The following ZFHX3 variants were observed in gnomAD, a reference collection of about 807,000 sequenced individuals.
ZFHX3 encodes the protein zinc finger homeobox 3, also known as zinc finger homeobox protein 3.
ZFHX3 carries 42 observed loss-of-function variants against 279.1 expected under a neutral mutation model. The observed-to-expected ratio is 0.15, with a 90% CI of 0.12 to 0.19. The LOEUF (loss-of-function observed/expected upper bound fraction) is 0.19. Among genes scored for constraint, ZFHX3 ranks in the 10% least tolerant of loss-of-function variants. The pLI, the probability that ZFHX3 is intolerant of heterozygous loss-of-function variation, is 1.00. For missense variants in ZFHX3, 4,981 were observed against 4,754.0 expected (o/e 1.05, Z -1.40); for synonymous variants, 2,293 against 1,957.8 (o/e 1.17, Z -4.52).
intron 4 of ZFHX3, among the ~76,000 whole-genome samples, chr16:72,834,527 C>G (rs986869944): frequency 5.3e-5 from 8 of 152,206 alleles, no homozygotes; most frequent in South Asian, 2.1e-4. Flanking sequence ...GCAAATTGAT[C>G]TCTTAATATA....
At chr16:73,339,599 C>G (rs2015989338) in intron 3 of ZFHX3, among the ~76,000 whole-genome samples, 1 of 152,166 alleles carries the variant, frequency 6.6e-6, no homozygotes, top group African/African-American at 2.4e-5. Context: ...TGCCACCTCA[C>G]CAATAGTAGG....
At chr16:73,711,057 T>A (rs986175718) in intron 1 of ZFHX3, among the ~76,000 whole-genome samples, 1 of 152,240 alleles carries the variant, frequency 6.6e-6, no homozygotes, top group Non-Finnish European at 1.5e-5. Flanking sequence ...AGGAATTTCT[T>A]TCATGCTTTT....
At chr16:72,872,673 C>T (rs749206373) in intron 4 of ZFHX3, among the ~76,000 whole-genome samples, 28 of 152,050 alleles carry the variant, frequency 1.8e-4, no homozygotes, top group South Asian at 6.2e-4. Flanking sequence ...TGGCCAGGCT[C>T]GTCTCAAACT....
intron 3 of ZFHX3, among the ~76,000 whole-genome samples, chr16:73,433,748 G>A (rs920668393): frequency 6.6e-6 from 1 of 152,216 alleles, no homozygotes; most frequent in African/African-American, 2.4e-5. Context: ...GCTTCTGGAA[G>A]GGCCTGGGGA....
intron 4 of ZFHX3, among the ~76,000 whole-genome samples, chr16:73,309,532 T>A (rs75695314): frequency 0.067 from 10,112 of 151,878 alleles, 410 homozygotes; most frequent in East Asian, 0.23. Context: ...CATGAGGGGG[T>A]TGTGGGAAAT....
intron 1 of ZFHX3, among the ~76,000 whole-genome samples, chr16:73,032,475 G>T (rs1049246029): frequency 6.6e-6 from 1 of 152,010 alleles, no homozygotes; most frequent in African/African-American, 2.4e-5. Context: ...AGTGCTAAAG[G>T]ATTTCTCAAC....
intron 1 of ZFHX3, among the ~76,000 whole-genome samples, chr16:73,847,968 C>T (rs1027655058): frequency 7.4e-6 from 1 of 135,588 alleles, no homozygotes; most frequent in Non-Finnish European, 1.5e-5. Flanking sequence ...ACCATATTGG[C>T]CAGACTGGTC....
chr16:73,797,163 A>G (rs774270031), intron 1 of ZFHX3, among the ~76,000 whole-genome samples: 6 of 152,172 alleles, frequency 3.9e-5, no homozygotes, highest in Non-Finnish European at 7.4e-5. Context: ...AGATCATACC[A>G]TTGCACTCCA....
intron 5 of ZFHX3, among the ~76,000 whole-genome samples, chr16:73,164,134 A>G (rs149441618): frequency 6.6e-5 from 10 of 152,348 alleles, no homozygotes; most frequent in African/African-American, 2.4e-4. Context: ...AGATGAAACA[A>G]TAAGAAATTT....
At chr16:72,927,144 C>T (rs1959497288) in intron 3 of ZFHX3, among the ~76,000 whole-genome samples, 1 of 152,194 alleles carries the variant, frequency 6.6e-6, no homozygotes, top group Non-Finnish European at 1.5e-5. Flanking sequence ...TCCTTCTTCA[C>T]TTGGTCAGAG....
chr16:73,198,685 C>A (rs1968204836), intron 5 of ZFHX3, among the ~76,000 whole-genome samples: 1 of 152,158 alleles, frequency 6.6e-6, no homozygotes, highest in Non-Finnish European at 1.5e-5. Flanking sequence ...CTCATCCTCG[C>A]TACAGAAACT....
chr16:73,561,860 G>C (rs1420057042), intron 2 of ZFHX3, among the ~76,000 whole-genome samples: 2 of 152,146 alleles, frequency 1.3e-5, no homozygotes, highest in Non-Finnish European at 2.9e-5. Flanking sequence ...GTGGGCATCA[G>C]GATGACTGGG....
At chr16:73,569,677 T>C (rs1450357704) in intron 2 of ZFHX3, among the ~76,000 whole-genome samples, 1 of 152,196 alleles carries the variant, frequency 6.6e-6, no homozygotes, top group Admixed American at 6.5e-5. Context: ...AAATATTTTA[T>C]TACAATAACA....
intron 4 of ZFHX3, among the ~76,000 whole-genome samples, chr16:73,274,537 CTT>C (rs1363860311): frequency 6.6e-6 from 1 of 152,122 alleles, no homozygotes; most frequent in Non-Finnish European, 1.5e-5. Flanking sequence ...ATTGATGTCA[CTT>C]TATTTTTCCT....
chr16:72,969,957 T>C (rs1478828359), intron 1 of ZFHX3, among the ~76,000 whole-genome samples: 1 of 152,220 alleles, frequency 6.6e-6, no homozygotes, highest in Non-Finnish European at 1.5e-5. Context: ...GGACGCCCAC[T>C]GCCCAGAAGG....
At chr16:73,843,868 C>T (rs1053059470) in intron 1 of ZFHX3, among the ~76,000 whole-genome samples, 1 of 152,160 alleles carries the variant, frequency 6.6e-6, no homozygotes, top group East Asian at 1.9e-4. Flanking sequence ...AACAAAGGGG[C>T]GTGGCTGTGT....
At chr16:73,817,976 C>T (rs150539253) in intron 1 of ZFHX3, among the ~76,000 whole-genome samples, 114 of 152,220 alleles carry the variant, frequency 7.5e-4, no homozygotes, top group African/African-American at 2.5e-3. Flanking sequence ...GCCAAGTGTA[C>T]GAAAGTTAAA....
chr16:73,854,942 T>C (rs1434066448), intron 1 of ZFHX3, among the ~76,000 whole-genome samples: 1 of 151,846 alleles, frequency 6.6e-6, no homozygotes, highest in African/African-American at 2.4e-5. Flanking sequence ...ATGTATGTTG[T>C]TATTACATAA....
Position 72,797,077 on chromosome 16 carries a change from G to T in ZFHX3, c.5605C>A (p.Gln1869Lys). The T allele has an allele frequency of 6.2e-7, 1 of 1,614,048 alleles. No individual in the cohort carries two copies. Among genetic ancestry groups the T allele is most frequent in the Non-Finnish European group, 8.5e-7 (1 of 1,180,024 alleles). ...SIAQSHSALL[Q>K]PSQHPEKKNK... Reference sequence around the variant, plus strand: ...TTCTTTTCGGGGTGCTGGCTTGGCTGAAGGAGGGCAGAGTGACTCTGGGCT... The same window carrying T: ...TTCTTTTCGGGGTGCTGGCTTGGCTTAAGGAGGGCAGAGTGACTCTGGGCT... The change falls in exon 9 of 10, where the codon CAG becomes AAG. Residue 1869 changes from glutamine (Q) to lysine (K), a missense_variant. This residue lies in a region of ZFHX3 where 1,751 missense variants were observed against 1,770.0 expected (regional missense o/e 0.99). Transcript: ENST00000268489.
Sources: gnomAD v4.1 joint callset for allele counts (sites outside exome capture counted in the v4.1 genomes callset) on GRCh38, gnomAD v4.1.1 for gene constraint, gnomAD v4.1.1 regional missense constraint, MANE v1.5 for transcripts, NCBI Gene and HGNC (gene_info 2026-07-23, HGNC 2026-07-21) for gene names.